Variants in AGMO observed in about 807,000 individuals in gnomAD.
The protein encoded by AGMO is glyceryl-ether monooxygenase.
A neutral mutation model predicts 60.2 loss-of-function variants in AGMO; 75 were observed. The ratio of observed to expected loss-of-function variants is 1.25; its 90% confidence interval spans 1.03 to 1.51. The LOEUF is 1.51. AGMO is among the 40% of genes most tolerant of loss of function. The probability of loss-of-function intolerance (pLI) is 0.00; values close to 1 mark genes in which losing one functional copy is unlikely to be tolerated. For missense variants in AGMO, 763 were observed against 525.5 expected (o/e 1.45, Z -4.42); for synonymous variants, 261 against 177.1 (o/e 1.47, Z -3.76).
intron 3 of AGMO, among the ~76,000 whole-genome samples, chr7:15,464,300 A>G (rs2128509643): frequency 6.6e-6 from 1 of 152,344 alleles, no homozygotes; most frequent in East Asian, 1.9e-4. Flanking sequence ...CATTTGCCAT[A>G]AATAAACTAG....
chr7:15,336,593 T>C (rs1054637304), intron 12 of AGMO, among the ~76,000 whole-genome samples: 2 of 152,156 alleles, frequency 1.3e-5, no homozygotes, highest in African/African-American at 4.8e-5. Flanking sequence ...CAATTGTCAT[T>C]TAAATGTGTG....
At chr7:15,549,819 A>C (rs1216634901) in intron 2 of AGMO, among the ~76,000 whole-genome samples, 1 of 151,826 alleles carries the variant, frequency 6.6e-6, no homozygotes, top group Non-Finnish European at 1.5e-5. Context: ...AAGCGGACCT[A>C]ATAGACATCT....
In AGMO at chr7:15,365,595, A is replaced by G. The variant is rs775585810; in HGVS notation, c.1182T>C (p.Thr394=). Reference sequence around the variant, plus strand: ...GCATTAAGAACATCAAGCAACGGAGAGTTTCCATAATAGCTGCCTTGGGTC... The same window carrying G: ...GCATTAAGAACATCAAGCAACGGAGGGTTTCCATAATAGCTGCCTTGGGTC... ...DQRPKAAIME[T]LRCLMFLMLY... The change falls in exon 12 of 13, where the codon ACT becomes ACC. Residue 394 remains threonine, a synonymous_variant. Transcript: ENST00000342526. The G allele has an allele frequency of 1.9e-6, 3 of 1,612,672 alleles. No homozygotes were observed. The highest frequency in any genetic ancestry group is 2.2e-5 in the East Asian group (1 of 44,832).
At chr7:15,358,084 A>G in intron 12 of AGMO, 1 of 171,646 alleles carries the variant, frequency 5.8e-6, no homozygotes, top group South Asian at 1.2e-4. Flanking sequence ...TAACTGGGTA[A>G]AACGAGACAT....
At chr7:15,253,250 A>G (rs1782992335) in intron 12 of AGMO, among the ~76,000 whole-genome samples, 1 of 152,192 alleles carries the variant, frequency 6.6e-6, no homozygotes, top group South Asian at 2.1e-4. Flanking sequence ...GTAGGAACAA[A>G]AAAAGTGTGC....
At chr7:15,183,727 A>C in the AGMO span, among the ~76,000 whole-genome samples, 1 of 152,226 alleles carries the variant, frequency 6.6e-6, no homozygotes, top group South Asian at 2.1e-4. Flanking sequence ...CACATGATGA[A>C]TTGGTAATCT....
chr7:15,522,923 G>C (rs746976049), intron 3 of AGMO, among the ~76,000 whole-genome samples: 1 of 152,128 alleles, frequency 6.6e-6, no homozygotes, highest in Non-Finnish European at 1.5e-5. Flanking sequence ...TACAGAATGG[G>C]AGAATATTTT....
intron 12 of AGMO, among the ~76,000 whole-genome samples, chr7:15,357,190 C>CGTGTGTGTGTGTGTGTGTGTGTGT (rs36124819): frequency 6.9e-6 from 1 of 144,362 alleles, no homozygotes; most frequent in African/African-American, 2.6e-5. Flanking sequence ...TATGAATATT[C>CGTGTGTGTGTGTGTGTGTGTGTGT]GTGTGTGTGT....
At chr7:15,507,249 C>G (rs759786334) in intron 3 of AGMO, among the ~76,000 whole-genome samples, 2 of 151,800 alleles carry the variant, frequency 1.3e-5, no homozygotes, top group Non-Finnish European at 2.9e-5. Flanking sequence ...CAGAAAGCCA[C>G]AATGACTGGA....
At chr7:15,467,414 T>A (rs1406216022) in intron 3 of AGMO, among the ~76,000 whole-genome samples, 1 of 152,234 alleles carries the variant, frequency 6.6e-6, no homozygotes, top group African/African-American at 2.4e-5. Flanking sequence ...TCTGACAATA[T>A]AATTAGTTAC....
intron 12 of AGMO, among the ~76,000 whole-genome samples, chr7:15,284,021 A>C (rs2128519682): frequency 6.6e-6 from 1 of 152,184 alleles, no homozygotes; most frequent in Admixed American, 6.5e-5. Context: ...TTAAAAAGTT[A>C]TTTGAAATGA....
chr7:15,559,087 T>C (rs1785232512), intron 2 of AGMO, among the ~76,000 whole-genome samples: 1 of 152,148 alleles, frequency 6.6e-6, no homozygotes, highest in South Asian at 2.1e-4. Context: ...TCACACATTA[T>C]AATGTACTCT....
chr7:15,493,363 T>A (rs372106106), intron 3 of AGMO, among the ~76,000 whole-genome samples: 7 of 5,876 alleles, frequency 1.2e-3, no homozygotes, highest in East Asian at 0.028. Context: ...ACACACACAC[T>A]TCTTTTTTTT....
chr7:15,147,375 G>T, the AGMO span, among the ~76,000 whole-genome samples: 3 of 152,150 alleles, frequency 2.0e-5, no homozygotes, highest in Admixed American at 6.5e-5. Context: ...GGAAGATGAA[G>T]GATAAGCAAA....
rs955594083 is a variant in AGMO, at chr7:15,261,473, C to T, written c.1264-60114G>A. 4.0e-5 allele frequency among the ~76,000 whole-genome samples: 6 copies of T among 151,686 alleles called. No individual in the cohort carries two copies. In the East Asian group the frequency reaches 7.7e-4, roughly 20 times the overall value. Reference sequence around the variant, plus strand: ...CCAGGAAGATATAGTATCTCTGAACCGACCAATAACAAGCAGTGAGATGGA... The same window carrying T: ...CCAGGAAGATATAGTATCTCTGAACTGACCAATAACAAGCAGTGAGATGGA... On this transcript the variant is annotated intron_variant, in intron 12 of 12. Transcript: ENST00000342526.
the AGMO span, among the ~76,000 whole-genome samples, chr7:15,154,862 G>C: frequency 2.6e-5 from 4 of 152,102 alleles, no homozygotes; most frequent in Non-Finnish European, 5.9e-5. Context: ...ATAAAGCTTA[G>C]GTTGGCCAGA....
At chr7:15,285,545 A>G (rs1302917808) in intron 12 of AGMO, among the ~76,000 whole-genome samples, 1 of 152,086 alleles carries the variant, frequency 6.6e-6, no homozygotes, top group Non-Finnish European at 1.5e-5. Context: ...AAGGAGAGCT[A>G]AAAGAAACTG....
intron 4 of AGMO, among the ~76,000 whole-genome samples, chr7:15,429,490 T>C (rs998812000): frequency 5.9e-5 from 9 of 152,052 alleles, no homozygotes; most frequent in African/African-American, 1.7e-4. Flanking sequence ...AGTGTCTTTA[T>C]AGGAGCATTG....
intron 8 of AGMO, among the ~76,000 whole-genome samples, chr7:15,388,797 C>G (rs6461171): frequency 0.26 from 40,037 of 152,062 alleles, 7,589 homozygotes; most frequent in African/African-American, 0.54. Context: ...GAATATTTTT[C>G]TAAGTTCAAG....
Sources: gnomAD v4.1 joint callset for allele counts (sites outside exome capture counted in the v4.1 genomes callset) on GRCh38, gnomAD v4.1.1 for gene constraint, MANE v1.5 for transcripts, NCBI Gene and HGNC (gene_info 2026-07-23, HGNC 2026-07-21) for gene names.